The following EHMT1 variants were observed in gnomAD, a reference collection of about 807,000 sequenced individuals.
The protein encoded by EHMT1 is histone-lysine N-methyltransferase EHMT1.
A neutral mutation model predicts 147.2 loss-of-function variants in EHMT1; 15 were observed. The ratio of observed to expected loss-of-function variants is 0.10; its 90% CI spans 0.07 to 0.16. The LOEUF is 0.16. Ranked by LOEUF, EHMT1 falls within the 10% of genes least tolerant of loss-of-function variation. EHMT1 has a pLI of 1.00. For synonymous variants in EHMT1, 795 were observed against 709.6 expected, an observed-to-expected ratio of 1.12 and a Z score of -1.91; for missense variants, 1,587 against 1,772.4, an observed-to-expected ratio of 0.90 and a Z score of 1.88.
At chr9:137,814,539 G>A in intron 22 of EHMT1, 31 bp downstream of exon 22, 1 of 1,600,600 alleles carries the variant, frequency 6.2e-7, no homozygotes, top group Non-Finnish European at 8.5e-7. Context: ...GTGGGCTCAG[G>A]TGGTAAGTGC....
chr9:137,740,104 G>A (rs1371046831), intron 4 of EHMT1, among the ~76,000 whole-genome samples: 4 of 152,176 alleles, frequency 2.6e-5, no homozygotes, highest in South Asian at 4.1e-4. Context: ...GGAGCCTGTC[G>A]CCTTTCTTCC....
chr9:137,750,307 T>G (rs7037627), intron 6 of EHMT1, among the ~76,000 whole-genome samples: 28,778 of 152,220 alleles, frequency 0.19, 7,068 homozygotes, highest in African/African-American at 0.57. Flanking sequence ...ACAGTGAGCA[T>G]TCTCCAGCAT....
intron 25 of EHMT1, among the ~76,000 whole-genome samples, chr9:137,824,713 A>C (rs1481070485): frequency 6.6e-6 from 1 of 152,204 alleles, no homozygotes; most frequent in Non-Finnish European, 1.5e-5. Flanking sequence ...GTGTTTTGTT[A>C]AATGTATTCC....
At chr9:137,757,485 A>G (rs1450229159) in intron 8 of EHMT1, among the ~76,000 whole-genome samples, 1 of 152,228 alleles carries the variant, frequency 6.6e-6, no homozygotes. Context: ...CAAATCTGCA[A>G]GTTAGATTTT....
intron 3 of EHMT1, among the ~76,000 whole-genome samples, chr9:137,721,408 C>T (rs111216748): frequency 3.2e-4 from 3 of 9,390 alleles, no homozygotes; most frequent in Non-Finnish European, 3.7e-4. Context: ...CCCCCTCCCA[C>T]GCCTCTCACC....
At chr9:137,759,267 G>A (rs939861436) in intron 9 of EHMT1, among the ~76,000 whole-genome samples, 4 of 152,212 alleles carry the variant, frequency 2.6e-5, no homozygotes, top group Admixed American at 1.3e-4. Context: ...GAAGTCCTTC[G>A]CATGGTCACC....
chr9:137,711,457 A>G (rs1208695845), intron 2 of EHMT1, among the ~76,000 whole-genome samples: 1 of 152,134 alleles, frequency 6.6e-6, no homozygotes, highest in Non-Finnish European at 1.5e-5. Context: ...AGCATGACTG[A>G]CGCCGCGCCA....
chr9:137,820,446 A>C (rs7851392), intron 25 of EHMT1, among the ~76,000 whole-genome samples: 2 of 152,144 alleles, frequency 1.3e-5, no homozygotes, highest in African/African-American at 2.4e-5. Context: ...CCTTCTCTCT[A>C]TGACTTTTTC....
Position 137,754,294 on chromosome 9 carries a change from A to C in EHMT1, c.1369+3A>C. 6.2e-7 allele frequency: 1 copy of C among 1,613,876 alleles called. No individual in the cohort carries two copies. Among genetic ancestry groups the C allele is most frequent in the Non-Finnish European group, 8.5e-7 (1 of 1,179,850 alleles). On this transcript the variant is annotated splice_donor_region_variant and intron_variant, in intron 8 of 26. Transcript: ENST00000460843. ...AAAGAAGCCCAGCGGTGCCCTCGGT[A>C]AATGCCGTGGGGGTGTGGGCCATCA...
intron 1 of EHMT1, among the ~76,000 whole-genome samples, chr9:137,701,883 T>C (rs1204867918): frequency 6.6e-6 from 1 of 151,900 alleles, no homozygotes; most frequent in Non-Finnish European, 1.5e-5. Context: ...AACCTCTGCC[T>C]CCTGGGTTCA....
At chr9:137,695,410 A>AG (rs1225790375) in intron 1 of EHMT1, among the ~76,000 whole-genome samples, 1 of 152,192 alleles carries the variant, frequency 6.6e-6, no homozygotes, top group Non-Finnish European at 1.5e-5. Context: ...GAGGGGAAGA[A>AG]GGTCAGGACA....
At chr9:137,761,403 T>A (rs1483195396) in intron 9 of EHMT1, among the ~76,000 whole-genome samples, 1 of 152,266 alleles carries the variant, frequency 6.6e-6, no homozygotes, top group Non-Finnish European at 1.5e-5. Context: ...TTCTTTAGTC[T>A]TGGTCTCCAT....
intron 18 of EHMT1, among the ~76,000 whole-genome samples, chr9:137,809,857 C>T (rs1343289264): frequency 6.6e-6 from 1 of 151,468 alleles, no homozygotes; most frequent in Non-Finnish European, 1.5e-5. Context: ...GGTTCCGATG[C>T]CGCCCTGTGT....
At chr9:137,767,506 T>C (rs1452603160) in intron 10 of EHMT1, among the ~76,000 whole-genome samples, 2 of 152,204 alleles carry the variant, frequency 1.3e-5, no homozygotes, top group Admixed American at 6.5e-5. Context: ...TTACCAGTTG[T>C]GCATCCCAAA....
intron 19 of EHMT1, among the ~76,000 whole-genome samples, chr9:137,812,480 A>G (rs568687222): frequency 6.6e-6 from 1 of 152,354 alleles, no homozygotes; most frequent in Admixed American, 6.5e-5. Flanking sequence ...TCCAGGCACC[A>G]GCCTCCAGTG....
Position 137,835,072 on chromosome 9 carries a change from T to A in EHMT1, c.*119T>A. 1 of 1,210,494 alleles carries A rather than the reference T, an allele frequency of 8.3e-7. No individual in the cohort carries two copies. The highest frequency in any genetic ancestry group is 1.1e-6 in the Non-Finnish European group (1 of 939,118). 75.0% of individuals were successfully genotyped at this position (1,210,494 alleles called of 1,614,324 possible). A position where few individuals can be genotyped will look rare whatever the true frequency, so the allele number is the denominator to read the frequency against. On this transcript the variant is annotated 3_prime_UTR_variant, in exon 27 of 27. Coordinates refer to ENST00000460843, the MANE Select transcript of EHMT1 (RefSeq NM_024757.5). ...GTCCTTCGGGGCTGCGCCGCCGGCTTCCTGGAGGGGTCGGAGGTGAGGCTG... is the reference window on the plus strand; with the variant it reads ...GTCCTTCGGGGCTGCGCCGCCGGCTACCTGGAGGGGTCGGAGGTGAGGCTG...
At chr9:137,831,936 C>T (rs138093870) in intron 25 of EHMT1, among the ~76,000 whole-genome samples, 308 of 151,734 alleles carry the variant, frequency 2.0e-3, no homozygotes, top group Non-Finnish European at 3.2e-3. Context: ...CCACAGGCTC[C>T]GCCTCCTACG....
chr9:137,689,178 C>A (rs1942721032), intron 1 of EHMT1, among the ~76,000 whole-genome samples: 1 of 152,118 alleles, frequency 6.6e-6, no homozygotes, highest in Admixed American at 6.5e-5. Context: ...TATGTATAAT[C>A]TTATTGTGGA....
In EHMT1 at chr9:137,787,367, T is replaced by C. The variant is rs936421937; in HGVS notation, c.2383-3481T>C. On this transcript the variant is annotated intron_variant, in intron 15 of 26. Coordinates refer to ENST00000460843, the MANE Select transcript of EHMT1 (RefSeq NM_024757.5). This position sits in a 1 kb window ranked among gnomAD's most constrained non-coding sequence, Gnocchi z 4.2. The stretch of plus-strand genomic sequence containing the variant: ...CCATTCGGTGACGGCTGGTGACGGA[T>C]GGATGGGTAGTGGGCTGAGAAGAGG... Among the ~76,000 whole-genome samples the C allele has an allele frequency of 6.6e-6, 1 of 152,026 alleles. No individual in the cohort carries two copies. Among genetic ancestry groups the C allele is most frequent in the Non-Finnish European group, 1.5e-5 (1 of 68,014 alleles).
Sources: allele counts gnomAD v4.1 joint callset (sites outside exome capture counted in the v4.1 genomes callset), GRCh38; gene constraint gnomAD v4.1.1; non-coding constraint Gnocchi (gnomAD v3.1); transcripts MANE v1.5; gene names NCBI Gene and HGNC (gene_info 2026-07-23, HGNC 2026-07-21).